The following ZNF385B variants were observed in gnomAD, a reference collection of about 807,000 sequenced individuals.
ZNF385B encodes the protein zinc finger protein 533.
Under a neutral mutation model 39.2 loss-of-function variants are expected in ZNF385B, and 23 were observed. That is an observed-to-expected ratio of 0.59 (90% CI 0.42 to 0.83). The LOEUF (loss-of-function observed/expected upper bound fraction) is 0.83, where lower values mean the gene tolerates loss of function less well. Among genes scored for constraint, ZNF385B ranks in the 40% least tolerant of loss-of-function variants. ZNF385B has a pLI of 0.00. For synonymous variants in ZNF385B, 205 were observed against 222.6 expected, an observed-to-expected ratio of 0.92 and a Z score of 0.70; for missense variants, 552 against 598.9, an observed-to-expected ratio of 0.92 and a Z score of 0.82.
At chr2:179,678,249 A>T (rs1218234630) in intron 3 of ZNF385B, among the ~76,000 whole-genome samples, 2 of 152,202 alleles carry the variant, frequency 1.3e-5, no homozygotes, top group East Asian at 3.8e-4. Context: ...CTCCTGTGCC[A>T]ATAACTTTGG....
At position 179,638,229 on chromosome 2, in the gene ZNF385B, C is replaced by T. The variant is rs185243580; in HGVS notation, c.299-93260G>A. Among the ~76,000 whole-genome samples the T allele has an allele frequency of 9.4e-3, 1,428 of 152,050 alleles. 28 individuals carry two copies. The highest frequency in any genetic ancestry group is 0.032 in the African/African-American group (1,330 of 41,470). On this transcript the variant is annotated intron_variant, in intron 3 of 9. Transcript: ENST00000410066. ...CTCACATTAAGTGTTCTTATCACAA[C>T]AAAATCAAATGAAAACAATGACAAC...
intron 3 of ZNF385B, among the ~76,000 whole-genome samples, chr2:179,753,420 G>A (rs971097326): frequency 2.0e-5 from 3 of 152,134 alleles, no homozygotes; most frequent in Admixed American, 2.0e-4. Flanking sequence ...TGGCAATGTG[G>A]GCTCTTTTTT....
chr2:179,640,933 G>A (rs930891662), intron 3 of ZNF385B, among the ~76,000 whole-genome samples: 1 of 152,088 alleles, frequency 6.6e-6, no homozygotes, highest in Non-Finnish European at 1.5e-5. Context: ...CCGATTTCCA[G>A]TTTCAAAGTT....
chr2:179,528,810 A>G (rs748823372), intron 4 of ZNF385B, among the ~76,000 whole-genome samples: 1 of 152,204 alleles, frequency 6.6e-6, no homozygotes. Flanking sequence ...TGTAACAAAT[A>G]TGGTCAGTCC....
intron 6 of ZNF385B, among the ~76,000 whole-genome samples, chr2:179,449,570 A>T (rs577748527): frequency 2.4e-4 from 37 of 152,264 alleles, no homozygotes; most frequent in African/African-American, 8.4e-4. Flanking sequence ...CTTCAAGGAG[A>T]ACTAGAAACC....
intron 3 of ZNF385B, among the ~76,000 whole-genome samples, chr2:179,652,585 C>A (rs1693293240): frequency 6.6e-6 from 1 of 152,106 alleles, no homozygotes; most frequent in Non-Finnish European, 1.5e-5. Flanking sequence ...TCATCCAAAA[C>A]AATGGAATCA....
chr2:179,833,360 T>C (rs1176548667), intron 1 of ZNF385B, among the ~76,000 whole-genome samples: 2 of 152,160 alleles, frequency 1.3e-5, no homozygotes, highest in African/African-American at 2.4e-5. Flanking sequence ...CACTGCTCTA[T>C]AGATGATGTA....
At chr2:179,650,976 A>G (rs956762299) in intron 3 of ZNF385B, among the ~76,000 whole-genome samples, 9 of 152,290 alleles carry the variant, frequency 5.9e-5, no homozygotes, top group African/African-American at 2.2e-4. Flanking sequence ...TAGCATCAAA[A>G]TGGCAAACAT....
intron 4 of ZNF385B, among the ~76,000 whole-genome samples, chr2:179,519,372 A>G (rs1489073128): frequency 6.6e-6 from 1 of 152,232 alleles, no homozygotes; most frequent in African/African-American, 2.4e-5. Context: ...TTCTACTGAA[A>G]ATGCATGTCA....
At position 179,573,456 on chromosome 2, in the gene ZNF385B, A is replaced by T. The variant is rs568027057; in HGVS notation, c.299-28487T>A. Among the ~76,000 whole-genome samples the T allele has an allele frequency of 9.3e-4, 142 of 152,288 alleles. 2 individuals carry two copies. In the South Asian group the frequency reaches 0.019, roughly 20 times the overall value. On this transcript the variant is annotated intron_variant, in intron 3 of 9. Transcript: ENST00000410066. ...AAAAAGAAAAACCAAAAAAACAAAAAACTAAAGGATAGGTTCAGTTTTTCT... is the reference window on the plus strand; with the variant it reads ...AAAAAGAAAAACCAAAAAAACAAAATACTAAAGGATAGGTTCAGTTTTTCT...
At chr2:179,670,260 C>T (rs1695767744) in intron 3 of ZNF385B, among the ~76,000 whole-genome samples, 1 of 146,450 alleles carries the variant, frequency 6.8e-6, no homozygotes, top group South Asian at 2.1e-4. Flanking sequence ...CCACTGCACT[C>T]TCGCCTGGGC....
At chr2:179,772,950 G>A (rs897168831) in intron 1 of ZNF385B, among the ~76,000 whole-genome samples, 1 of 152,168 alleles carries the variant, frequency 6.6e-6, no homozygotes, top group Non-Finnish European at 1.5e-5. Flanking sequence ...ACATTCATAA[G>A]AGAATAAGAC....
At chr2:179,593,731 C>T (rs1033541655) in intron 3 of ZNF385B, among the ~76,000 whole-genome samples, 9 of 152,154 alleles carry the variant, frequency 5.9e-5, no homozygotes, top group African/African-American at 1.9e-4. Flanking sequence ...CTTATCTATA[C>T]CATCCTTTAA....
Position 179,444,892 on chromosome 2 carries a change from C to A in ZNF385B, c.1226G>T (p.Ser409Ile). 6.2e-7 allele frequency: 1 copy of A among 1,614,138 alleles called. No individual in the cohort carries two copies. The highest frequency in any genetic ancestry group is 8.5e-7 in the Non-Finnish European group (1 of 1,179,982). Residue 409 changes from serine (S) to isoleucine (I), a missense_variant, in exon 9 of 10, where the codon AGC becomes ATC. By Grantham distance (142) the Ser-to-Ile change is moderately radical. Transcript: ENST00000410066. ...KYSPYNKLQR[S>I]PSILAAKLAF... ...TAAACTTACTGCTAGAATACTCGGG[C>A]TCCGCTGGAGTTTGTTGTAAGGGCT...
intron 3 of ZNF385B, among the ~76,000 whole-genome samples, chr2:179,753,610 G>A (rs560851823): frequency 2.0e-5 from 3 of 151,820 alleles, no homozygotes; most frequent in Non-Finnish European, 2.9e-5. Flanking sequence ...CTTTCATTTC[G>A]TTGAGCAGTG....
chr2:179,781,213 T>C (rs891205301), intron 1 of ZNF385B, among the ~76,000 whole-genome samples: 1 of 152,184 alleles, frequency 6.6e-6, no homozygotes, highest in African/African-American at 2.4e-5. Context: ...ACAATGAAGA[T>C]GCAGGACTTA....
intron 3 of ZNF385B, among the ~76,000 whole-genome samples, chr2:179,732,646 A>G (rs1470402212): frequency 6.6e-6 from 1 of 152,226 alleles, no homozygotes; most frequent in Non-Finnish European, 1.5e-5. Flanking sequence ...AAAAAGAATG[A>G]GTTAAATTAA....
chr2:179,584,623 A>C (rs1056881626), intron 3 of ZNF385B, among the ~76,000 whole-genome samples: 1 of 152,152 alleles, frequency 6.6e-6, no homozygotes, highest in Non-Finnish European at 1.5e-5. Context: ...TGGAGTGGGG[A>C]AGTATGCATG....
chr2:179,836,815 G>A (rs1337394837), intron 1 of ZNF385B, among the ~76,000 whole-genome samples: 2 of 152,174 alleles, frequency 1.3e-5, no homozygotes, highest in Non-Finnish European at 2.9e-5. Context: ...ACCGCGCACG[G>A]CCTTGTGTTT....
Sources: gnomAD v4.1 joint callset for allele counts (sites outside exome capture counted in the v4.1 genomes callset) on GRCh38, gnomAD v4.1.1 for gene constraint, MANE v1.5 for transcripts, NCBI Gene and HGNC (gene_info 2026-07-23, HGNC 2026-07-21) for gene names.